OSBPL5: variants seen among roughly 807,000 people sequenced by gnomAD.
OSBPL5 encodes the protein oxysterol-binding protein-related protein 5.
A neutral mutation model predicts 111.2 loss-of-function variants in OSBPL5; 71 were observed. The ratio of observed to expected loss-of-function variants is 0.64; its 90% CI spans 0.53 to 0.78. OSBPL5 has a LOEUF of 0.78. OSBPL5 is among the 30% of genes least tolerant of loss of function. OSBPL5 has a pLI of 0.00. For synonymous variants in OSBPL5, 549 were observed against 513.9 expected (o/e 1.07, Z -0.93); for missense variants, 1,210 against 1,189.3 (o/e 1.02, Z -0.26).
At chr11:3,120,277 T>C in intron 6 of OSBPL5, 144 bp downstream of exon 6, 1 of 977,494 alleles carries the variant, frequency 1.0e-6, no homozygotes, top group Non-Finnish European at 1.5e-6. Context: ...CCTGGCCGCA[T>C]GTGGGGCTCA....
rs75873112 is a variant in OSBPL5, at chr11:3,161,556, G to A, written c.-22+3660C>T. Among the ~76,000 whole-genome samples, 15,877 of 152,180 alleles carry A rather than the reference G, an allele frequency of 0.1. 856 individuals carry two copies. Among genetic ancestry groups the A allele is most frequent in the Non-Finnish European group, 0.12 (8,209 of 68,010 alleles). ...CACTTAACCGTAGAACACCTACTGT[G>A]TGCCAGCCCCTGGGAAGAGAGCCCG... On this transcript the variant is annotated intron_variant, in intron 1 of 21. Transcript: ENST00000263650. This position sits in a 1 kb window ranked among gnomAD's most constrained non-coding sequence, Gnocchi z 8.0.
chr11:3,159,179 A>G (rs1846878992), intron 1 of OSBPL5, among the ~76,000 whole-genome samples: 1 of 152,156 alleles, frequency 6.6e-6, no homozygotes, highest in Non-Finnish European at 1.5e-5. Flanking sequence ...AGAATGAAAC[A>G]TGAGGGTCGG....
At chr11:3,089,978 G>T in intron 20 of OSBPL5, 30 bp from the exon 21 acceptor site, 1 of 1,482,144 alleles carries the variant, frequency 6.7e-7, no homozygotes. Context: ...GACAAAGGAG[G>T]GGAGGGGAGG....
At chr11:3,125,691 G>A (rs1362514957) in intron 3 of OSBPL5, among the ~76,000 whole-genome samples, 2 of 151,864 alleles carry the variant, frequency 1.3e-5, no homozygotes, top group Admixed American at 1.3e-4. Flanking sequence ...TGTAGTCCCA[G>A]CTACTCGGGA....
rs571941371 is a variant in OSBPL5, at chr11:3,110,463, G to A, written c.692-2518C>T. ...GCATTTGGGAGTCAGGGAAATTCTCGTTCTAGCACTTTCTTGCTGGCAGTT... is the reference window on the plus strand; with the variant it reads ...GCATTTGGGAGTCAGGGAAATTCTCATTCTAGCACTTTCTTGCTGGCAGTT... On this transcript the variant is annotated intron_variant, in intron 7 of 21. Coordinates refer to ENST00000263650, the MANE Select transcript of OSBPL5 (RefSeq NM_020896.4). This position sits in a 1 kb window ranked among gnomAD's most constrained non-coding sequence, Gnocchi z 5.3. 1.3e-5 allele frequency among the ~76,000 whole-genome samples: 2 copies of A among 152,198 alleles called. No homozygotes were observed. The highest frequency in any genetic ancestry group is 2.4e-5 in the African/African-American group (1 of 41,444).
intron 1 of OSBPL5, among the ~76,000 whole-genome samples, chr11:3,133,981 G>T (rs1413324683): frequency 6.9e-6 from 1 of 144,056 alleles, no homozygotes; most frequent in African/African-American, 2.9e-5. Context: ...GCGGGGCTTG[G>T]TGGGGGGGGG....
intron 1 of OSBPL5, among the ~76,000 whole-genome samples, chr11:3,139,359 G>C (rs899760264): frequency 7.9e-5 from 12 of 152,236 alleles, no homozygotes; most frequent in Non-Finnish European, 1.3e-4. Flanking sequence ...TGAAGGTGCT[G>C]GCTGTGCTGT....
chr11:3,119,540 G>T lies in OSBPL5; in HGVS notation c.691+7C>A, dbSNP rs763527786. ...CTGGGGAGATGCGCAAGCTGGCAGG[G>T]ACTCACCATCTGACTCGGAGGCGGC... On this transcript the variant is annotated splice_region_variant and intron_variant, in intron 7 of 21. Transcript: ENST00000263650. 1 of 1,572,372 alleles carries T rather than the reference G, an allele frequency of 6.4e-7. No individual in the cohort carries two copies. The highest frequency in any genetic ancestry group is 8.6e-7 in the Non-Finnish European group (1 of 1,164,068).
chr11:3,125,118 C>T (rs150436065), intron 3 of OSBPL5, among the ~76,000 whole-genome samples: 9 of 152,344 alleles, frequency 5.9e-5, no homozygotes, highest in South Asian at 2.1e-4. Context: ...GCTCACTCCT[C>T]AGTGCTACTG....
chr11:3,098,495 ATTTTTTTTTTTTTT>A (rs552382553), intron 14 of OSBPL5, among the ~76,000 whole-genome samples: 3 of 81,202 alleles, frequency 3.7e-5, no homozygotes, highest in African/African-American at 1.9e-4. Flanking sequence ...ACATGAAGGA[ATTTTTTTTTTTTTT>A]TTTTTTTTTT....
rs1013647939 is a variant in OSBPL5, at chr11:3,102,291, A to G, written c.1327-10T>C. The G allele has an allele frequency of 1.9e-6, 3 of 1,584,856 alleles. No individual in the cohort carries two copies. The highest frequency in any genetic ancestry group is 2.3e-5 in the East Asian group (1 of 43,778). ...ACGGCTTCTTGATTCCCTGCAGACA[A>G]CAGAGACTTGTGTGAGGAGCCAGGT... On this transcript the variant is annotated splice_polypyrimidine_tract_variant and intron_variant, in intron 11 of 21. Transcript: ENST00000263650.
At chr11:3,147,195 C>T (rs543432387) in intron 1 of OSBPL5, among the ~76,000 whole-genome samples, 1 of 152,364 alleles carries the variant, frequency 6.6e-6, no homozygotes, top group African/African-American at 2.4e-5. Context: ...CTTGGGACTC[C>T]TGCTCCAGAG....
At chr11:3,160,627 C>T (rs1321582351) in intron 1 of OSBPL5, among the ~76,000 whole-genome samples, 1 of 152,108 alleles carries the variant, frequency 6.6e-6, no homozygotes, top group East Asian at 1.9e-4. Context: ...AACACCACGC[C>T]TTCCTCTGCT....
chr11:3,093,881 GCC>G, intron 15 of OSBPL5, 46 bp from the exon 16 acceptor site: 1 of 1,573,888 alleles, frequency 6.4e-7, no homozygotes, highest in Non-Finnish European at 8.6e-7. Context: ...GGGGGCTGGG[GCC>G]TCCAGAATCA....
intron 10 of OSBPL5, among the ~76,000 whole-genome samples, chr11:3,103,785 T>C (rs77374463): frequency 0.24 from 13,067 of 53,450 alleles, 998 homozygotes; most frequent in South Asian, 0.35. Flanking sequence ...GCCTCTGCAG[T>C]CCCTTCCTGC....
At position 3,165,145 on chromosome 11, in the gene OSBPL5, G is replaced by A. The variant is rs549079651; in HGVS notation, c.-22+71C>T. 1.3e-5 allele frequency: 2 copies of A among 150,754 alleles called. No individual in the cohort carries two copies. The highest frequency in any genetic ancestry group is 3.9e-4 in the East Asian group (2 of 5,134). The allele number at this position is 150,754 out of a possible 1,614,324, so 9.3% of individuals were successfully genotyped here. A position where few individuals can be genotyped will look rare whatever the true frequency, so the allele number is the denominator to read the frequency against. The stretch of plus-strand genomic sequence containing the variant: ...GGTTCGCTCCGGCCCTGCCCGGCGG[G>A]GCCCTCCGGATCCTTCCCAGCCCGC... On this transcript the variant is annotated intron_variant, in intron 1 of 21. Coordinates refer to ENST00000263650, the MANE Select transcript of OSBPL5 (RefSeq NM_020896.4). This position sits in a 1 kb window ranked among gnomAD's most constrained non-coding sequence, Gnocchi z 7.4.
In OSBPL5 at chr11:3,094,158, C is replaced by A. The variant is rs557812972; in HGVS notation, c.1719+79G>T. 3.0e-5 allele frequency: 41 copies of A among 1,383,774 alleles called. No individual in the cohort carries two copies. The African/African-American group carries it at 5.5e-4, about 19-fold the overall frequency. 85.7% of individuals were successfully genotyped at this position (1,383,774 alleles called of 1,614,324 possible). A position where few individuals can be genotyped will look rare whatever the true frequency, so the allele number is the denominator to read the frequency against. On this transcript the variant is annotated intron_variant, in intron 15 of 21. Coordinates refer to ENST00000263650, the MANE Select transcript of OSBPL5 (RefSeq NM_020896.4). ...TGCCTTGGGGAACCTTCCTTGGGGC[C>A]TGGGGAGAGTGTGAGGGGGATCCCC...
chr11:3,132,009 GCATCCATCCATCCATCCATC>G (rs57904462), intron 1 of OSBPL5, among the ~76,000 whole-genome samples: 2 of 40,126 alleles, frequency 5.0e-5, no homozygotes, highest in Non-Finnish European at 9.0e-5. Flanking sequence ...TCCCTTTCAG[GCATCCATCCATCCATCCATC>G]CATCCATCCA....
At position 3,110,198 on chromosome 11, in the gene OSBPL5, G is replaced by C. The variant is rs1857868382; in HGVS notation, c.692-2253C>G. ...CCGTGGTCAAGGCCAGACTGCTTTA[G>C]GTCTGCACCACCGGCGGGATGGGAG... On this transcript the variant is annotated intron_variant, in intron 7 of 21. Transcript: ENST00000263650. The surrounding 1 kb of genome is among the most constrained non-coding windows in gnomAD (Gnocchi z 5.3). Among the ~76,000 whole-genome samples the C allele has an allele frequency of 6.6e-6, 1 of 152,134 alleles. No individual in the cohort carries two copies. The highest frequency in any genetic ancestry group is 2.4e-5 in the African/African-American group (1 of 41,426).
Sources: allele counts gnomAD v4.1 joint callset (sites outside exome capture counted in the v4.1 genomes callset), GRCh38; gene constraint gnomAD v4.1.1; non-coding constraint Gnocchi (gnomAD v3.1); transcripts MANE v1.5; gene names NCBI Gene and HGNC (gene_info 2026-07-23, HGNC 2026-07-21).